The following NALF1 variants were observed in gnomAD, a reference collection of about 807,000 sequenced individuals.
The protein encoded by NALF1 is NALCN channel auxiliary factor 1.
Under a neutral mutation model 48.4 loss-of-function variants are expected in NALF1, and 3 were observed. The ratio of observed to expected loss-of-function variants is 0.06; its 90% CI spans 0.03 to 0.16. NALF1 has a LOEUF of 0.16. Among genes scored for constraint, NALF1 ranks in the 10% least tolerant of loss-of-function variants. The probability of loss-of-function intolerance (pLI) is 1.00; values close to 1 mark genes in which losing one functional copy is unlikely to be tolerated. For missense variants in NALF1, 526 were observed against 571.5 expected (o/e 0.92, Z 0.81); for synonymous variants, 262 against 245.7 (o/e 1.07, Z -0.62).
At chr13:107,277,047 C>G (rs1314360734) in intron 1 of NALF1, among the ~76,000 whole-genome samples, 1 of 152,126 alleles carries the variant, frequency 6.6e-6, no homozygotes, top group African/African-American at 2.4e-5. Flanking sequence ...TATTCACATT[C>G]TAGTTTTTCC....
intron 1 of NALF1, among the ~76,000 whole-genome samples, chr13:107,845,251 A>G (rs1260277114): frequency 6.6e-6 from 1 of 152,224 alleles, no homozygotes; most frequent in Admixed American, 6.5e-5. Context: ...TGTCTCCATC[A>G]AACATCAGTG....
chr13:107,359,150 T>A (rs973406113), intron 1 of NALF1, among the ~76,000 whole-genome samples: 1 of 152,086 alleles, frequency 6.6e-6, no homozygotes, highest in Non-Finnish European at 1.5e-5. Flanking sequence ...TTTATTCTTC[T>A]CTTTTTCCCA....
chr13:107,292,152 C>A (rs1194101665), intron 1 of NALF1, among the ~76,000 whole-genome samples: 1 of 152,168 alleles, frequency 6.6e-6, no homozygotes, highest in Admixed American at 6.5e-5. Flanking sequence ...TGCTACTGTA[C>A]TGAATACTAC....
At chr13:107,711,011 A>T (rs1313908924) in intron 1 of NALF1, among the ~76,000 whole-genome samples, 1 of 152,034 alleles carries the variant, frequency 6.6e-6, no homozygotes, top group Non-Finnish European at 1.5e-5. Flanking sequence ...AGGTGTTAGC[A>T]ATCATTTTAT....
rs550856963 is a variant in NALF1 at position 107,622,138 on chromosome 13, A to G, written c.915+243544T>C. Reference sequence around the variant, plus strand: ...CTCCAAAGCACAAAACAGTTTTTCTAAGAATCATGGCTGGGTACGGTGGCT... The same window carrying G: ...CTCCAAAGCACAAAACAGTTTTTCTGAGAATCATGGCTGGGTACGGTGGCT... On this transcript the variant is annotated intron_variant, in intron 1 of 2. Coordinates refer to ENST00000375915, the MANE Select transcript of NALF1 (RefSeq NM_001080396.3). 1.3e-4 allele frequency among the ~76,000 whole-genome samples: 19 copies of G among 151,948 alleles called. No individual in the cohort carries two copies. The South Asian group carries it at 2.7e-3, about 22-fold the overall frequency.
intron 2 of NALF1, among the ~76,000 whole-genome samples, chr13:107,191,822 C>T (rs574592477): frequency 6.7e-6 from 1 of 148,894 alleles, no homozygotes; most frequent in African/African-American, 2.5e-5. Flanking sequence ...CAGGCTTGTG[C>T]CACTATGCCT....
chr13:107,712,312 G>C (rs1263592468), intron 1 of NALF1, among the ~76,000 whole-genome samples: 1 of 152,076 alleles, frequency 6.6e-6, no homozygotes, highest in African/African-American at 2.4e-5. Context: ...ATAAACAATG[G>C]CATTCCCAGA....
intron 1 of NALF1, among the ~76,000 whole-genome samples, chr13:107,782,728 G>A (rs776803871): frequency 0.032 from 4,810 of 150,888 alleles, 96 homozygotes; most frequent in Non-Finnish European, 0.045. Context: ...TGTGAGGAGC[G>A]CCTCTGCCCG....
At chr13:107,556,296 TACACACAC>T (rs71121533) in intron 1 of NALF1, among the ~76,000 whole-genome samples, 11 of 98,576 alleles carry the variant, frequency 1.1e-4, no homozygotes, top group African/African-American at 3.8e-4. Flanking sequence ...TATATATATA[TACACACAC>T]ACACACACAC....
In NALF1 at chr13:107,170,423, TTC is replaced by T; in HGVS notation, c.*72_*73del. On this transcript the variant is annotated 3_prime_UTR_variant, in exon 3 of 3. Coordinates refer to ENST00000375915, the MANE Select transcript of NALF1 (RefSeq NM_001080396.3). The stretch of plus-strand genomic sequence containing the variant: ...TAATTCGAGGGTAAAAGCACCCAGT[TTC>T]TGTTACATGAGACAGCAGTTGCCAT... The T allele has an allele frequency of 6.8e-7, 1 of 1,468,898 alleles. No homozygotes were observed. The highest frequency in any genetic ancestry group is 9.2e-7 in the Non-Finnish European group (1 of 1,088,200). 91.0% of individuals were successfully genotyped at this position (1,468,898 alleles called of 1,614,324 possible).
In NALF1 at chr13:107,290,757, A is replaced by AATT. The variant is rs1241529515; in HGVS notation, c.916-80005_916-80003dup. Among the ~76,000 whole-genome samples the AATT allele has an allele frequency of 2.0e-5, 3 of 152,318 alleles. No individual in the cohort carries two copies. The East Asian group carries it at 5.8e-4, about 29-fold the overall frequency. ...TTTTATTTTGAAATAAACTTACTGC[A>AATT]ATTTAAGTAAACAAATTGACACTGA... On this transcript the variant is annotated intron_variant, in intron 1 of 2. Transcript: ENST00000375915.
chr13:107,201,409 T>C (rs551114419), intron 2 of NALF1, among the ~76,000 whole-genome samples: 1 of 152,186 alleles, frequency 6.6e-6, no homozygotes, highest in South Asian at 2.1e-4. Flanking sequence ...ATGCCATCTC[T>C]ACTAAAAATA....
chr13:107,762,786 T>C (rs1047919597), intron 1 of NALF1, among the ~76,000 whole-genome samples: 1 of 152,202 alleles, frequency 6.6e-6, no homozygotes, highest in Non-Finnish European at 1.5e-5. Context: ...CTAAGAACAG[T>C]ACATTTAACA....
Position 107,638,474 on chromosome 13 carries a change from G to A in NALF1, c.915+227208C>T, listed in dbSNP as rs150150597. On this transcript the variant is annotated intron_variant, in intron 1 of 2. Coordinates refer to ENST00000375915, the MANE Select transcript of NALF1 (RefSeq NM_001080396.3). ...CTGGACACCACTCAAGGTGCTGGAG[G>A]ATAGCAGCGAATGAGGCAGAGGATG... Among the ~76,000 whole-genome samples, 724 of 152,072 alleles carry A rather than the reference G, an allele frequency of 4.8e-3. 4 individuals carry two copies. Among genetic ancestry groups the A allele is most frequent in the South Asian group, 0.015 (72 of 4,814 alleles).
intron 1 of NALF1, among the ~76,000 whole-genome samples, chr13:107,392,339 T>G (rs1445817675): frequency 6.6e-6 from 1 of 152,078 alleles, no homozygotes; most frequent in East Asian, 1.9e-4. Context: ...GAGTCCTTGC[T>G]CAGTCCCAGG....
chr13:107,760,538 T>C (rs1398597786), intron 1 of NALF1, among the ~76,000 whole-genome samples: 2 of 152,232 alleles, frequency 1.3e-5, no homozygotes, highest in Non-Finnish European at 2.9e-5. Context: ...ATCTAATTGC[T>C]AGTTCTTAAG....
At chr13:107,178,608 G>C (rs1878989662) in intron 2 of NALF1, among the ~76,000 whole-genome samples, 1 of 152,130 alleles carries the variant, frequency 6.6e-6, no homozygotes, top group Non-Finnish European at 1.5e-5. Context: ...GGAATGAAAA[G>C]TAGTACAGTC....
chr13:107,284,600 A>C (rs1881454920), intron 1 of NALF1, among the ~76,000 whole-genome samples: 1 of 152,064 alleles, frequency 6.6e-6, no homozygotes, highest in Admixed American at 6.6e-5. Context: ...TCGTATGTTG[A>C]AGCCCTAACT....
intron 1 of NALF1, among the ~76,000 whole-genome samples, chr13:107,470,652 T>C (rs1057440713): frequency 1.3e-5 from 2 of 152,180 alleles, no homozygotes; most frequent in Non-Finnish European, 2.9e-5. Flanking sequence ...AACCAAAGTG[T>C]CCCTTAATGG....
Sources: allele counts gnomAD v4.1 joint callset (sites outside exome capture counted in the v4.1 genomes callset), GRCh38; gene constraint gnomAD v4.1.1; transcripts MANE v1.5; gene names NCBI Gene and HGNC (gene_info 2026-07-23, HGNC 2026-07-21).